The following ELMO1 variants were observed in gnomAD, a reference collection of about 807,000 sequenced individuals.
ELMO1 encodes the protein engulfment and cell motility 1, also known as engulfment and cell motility protein 1.
ELMO1 carries 26 observed loss-of-function variants against 98.9 expected under a neutral mutation model. That is an observed-to-expected ratio of 0.26 (90% CI 0.19 to 0.36). The LOEUF is 0.36. Ranked by LOEUF, ELMO1 falls within the 10% of genes least tolerant of loss-of-function variation. The probability of loss-of-function intolerance (pLI) is 1.00; values close to 1 mark genes in which losing one functional copy is unlikely to be tolerated. For missense variants in ELMO1, 627 were observed against 935.2 expected (o/e 0.67, Z 4.30); for synonymous variants, 346 against 346.0 (o/e 1.00, Z 0.00).
At chr7:37,220,322 C>A (rs764457003) in intron 10 of ELMO1, among the ~76,000 whole-genome samples, 15 of 152,100 alleles carry the variant, frequency 9.9e-5, no homozygotes, top group African/African-American at 2.7e-4. Context: ...AAATTAAATA[C>A]CTTGTAGGTA....
chr7:37,375,515 C>T, intron 1 of ELMO1: 1 of 877,074 alleles, frequency 1.1e-6, no homozygotes, highest in East Asian at 2.6e-5. Context: ...ACCCCAGAGC[C>T]ACCAAGATGT....
At chr7:37,126,005 G>A (rs555790707) in intron 14 of ELMO1, among the ~76,000 whole-genome samples, 5 of 152,230 alleles carry the variant, frequency 3.3e-5, no homozygotes, top group African/African-American at 9.6e-5. Context: ...TAAGGACATG[G>A]ATGAAGCTGG....
chr7:36,975,739 T>C (rs1790474668), intron 16 of ELMO1, among the ~76,000 whole-genome samples: 1 of 149,894 alleles, frequency 6.7e-6, no homozygotes, highest in African/African-American at 2.5e-5. Context: ...CCCAGCTACT[T>C]GGGAGGCTAA....
At chr7:37,189,373 C>T (rs1791438032) in intron 13 of ELMO1, among the ~76,000 whole-genome samples, 1 of 152,160 alleles carries the variant, frequency 6.6e-6, no homozygotes, top group Non-Finnish European at 1.5e-5. Flanking sequence ...ACACTGGTTT[C>T]TGTAAGGCAT....
chr7:37,140,202 C>T (rs928121989), intron 13 of ELMO1, among the ~76,000 whole-genome samples: 2 of 150,522 alleles, frequency 1.3e-5, no homozygotes, highest in African/African-American at 4.9e-5. Flanking sequence ...GATGAAACCC[C>T]ACCTCTACTA....
intron 20 of ELMO1, chr7:36,861,958 C>A (rs1802670798): frequency 8.7e-6 from 5 of 572,068 alleles, no homozygotes; most frequent in Non-Finnish European, 1.6e-5. Context: ...AATTCGCATG[C>A]AGCCCATGTA....
At chr7:37,417,111 A>ATCCCG (rs1804250470) in intron 1 of ELMO1, among the ~76,000 whole-genome samples, 1 of 152,202 alleles carries the variant, frequency 6.6e-6, no homozygotes, top group African/African-American at 2.4e-5. Flanking sequence ...CAGCCAAGGA[A>ATCCCG]ACTGAGGCAC....
intron 4 of ELMO1, among the ~76,000 whole-genome samples, chr7:37,305,359 A>G (rs1295629819): frequency 2.6e-5 from 4 of 152,176 alleles, no homozygotes; most frequent in Non-Finnish European, 5.9e-5. Context: ...GGTTATTTGT[A>G]TATTATAAGG....
intron 14 of ELMO1, among the ~76,000 whole-genome samples, chr7:37,126,026 T>G (rs1012750148): frequency 2.4e-4 from 37 of 152,096 alleles, no homozygotes; most frequent in African/African-American, 8.2e-4. Context: ...AAACCATCAT[T>G]CTCAGCAAAC....
chr7:37,089,618 C>A (rs903196110), intron 15 of ELMO1, among the ~76,000 whole-genome samples: 2 of 152,122 alleles, frequency 1.3e-5, no homozygotes, highest in Non-Finnish European at 2.9e-5. Flanking sequence ...CCTCAATTTC[C>A]ATTTTTCTGC....
intron 13 of ELMO1, among the ~76,000 whole-genome samples, chr7:37,177,444 A>G (rs1456552611): frequency 6.6e-6 from 1 of 152,248 alleles, no homozygotes; most frequent in East Asian, 1.9e-4. Context: ...AAGCATAGTA[A>G]TTAGTAATAT....
intron 1 of ELMO1, among the ~76,000 whole-genome samples, chr7:37,388,346 A>G (rs1251492333): frequency 6.6e-6 from 1 of 152,114 alleles, no homozygotes; most frequent in Non-Finnish European, 1.5e-5. Context: ...CAAGACCAAA[A>G]TACTGCATTT....
At chr7:37,071,596 C>T (rs1267038244) in intron 15 of ELMO1, among the ~76,000 whole-genome samples, 1 of 152,166 alleles carries the variant, frequency 6.6e-6, no homozygotes, top group African/African-American at 2.4e-5. Flanking sequence ...ACCTTCCCCA[C>T]TCCCCAGGTT....
At chr7:37,217,044 C>T (rs957816641) in intron 10 of ELMO1, among the ~76,000 whole-genome samples, 2 of 152,194 alleles carry the variant, frequency 1.3e-5, no homozygotes, top group African/African-American at 4.8e-5. Context: ...AGACTACGTA[C>T]GTGCAGAAAG....
chr7:37,086,935 C>T (rs1157934533), intron 15 of ELMO1, among the ~76,000 whole-genome samples: 1 of 152,086 alleles, frequency 6.6e-6, no homozygotes, highest in Non-Finnish European at 1.5e-5. Flanking sequence ...GAGGAACTTG[C>T]AACCTTTGCA....
At chr7:37,325,031 TAG>T (rs1799724652) in intron 2 of ELMO1, among the ~76,000 whole-genome samples, 1 of 152,204 alleles carries the variant, frequency 6.6e-6, no homozygotes, top group Non-Finnish European at 1.5e-5. Flanking sequence ...ACCTGGTACA[TAG>T]TAGGGCATTA....
chr7:37,382,235 C>T (rs73693531), intron 1 of ELMO1, among the ~76,000 whole-genome samples: 2,583 of 152,314 alleles, frequency 0.017, 67 homozygotes, highest in African/African-American at 0.057. Flanking sequence ...AATGTTTTCT[C>T]CTAAGCCCAG....
chr7:36,975,431 C>T (rs1790440472), intron 16 of ELMO1, among the ~76,000 whole-genome samples: 2 of 151,834 alleles, frequency 1.3e-5, no homozygotes. Flanking sequence ...GAGATCGCAC[C>T]ACTGCACTGC....
At chr7:36,898,040 C>G (rs1225714530) in intron 16 of ELMO1, among the ~76,000 whole-genome samples, 1 of 152,172 alleles carries the variant, frequency 6.6e-6, no homozygotes, top group Non-Finnish European at 1.5e-5. Context: ...TATGGTCACT[C>G]TGCATGTCAA....
Sources: allele counts gnomAD v4.1 joint callset (sites outside exome capture counted in the v4.1 genomes callset), GRCh38; gene constraint gnomAD v4.1.1; transcripts MANE v1.5; gene names NCBI Gene and HGNC (gene_info 2026-07-23, HGNC 2026-07-21).